The following POC1B variants were observed in gnomAD, a reference collection of about 807,000 sequenced individuals.
The protein encoded by POC1B is POC1 centriolar protein B, also known as POC1 centriolar protein homolog B.
POC1B carries 44 observed loss-of-function variants against 60.6 expected under a neutral mutation model. The observed-to-expected ratio is 0.73, with a 90% CI of 0.57 to 0.93. POC1B has a LOEUF of 0.93. POC1B is among the 40% of genes least tolerant of loss of function. The pLI, the probability that POC1B is intolerant of heterozygous loss-of-function variation, is 0.00. For missense variants in POC1B, 555 were observed against 572.3 expected (o/e 0.97, Z 0.31); for synonymous variants, 180 against 198.9 (o/e 0.90, Z 0.80).
At chr12:89,414,609 A>G in the POC1B span, among the ~76,000 whole-genome samples, 2 of 152,244 alleles carry the variant, frequency 1.3e-5, no homozygotes, top group African/African-American at 4.8e-5. Context: ...TGACTTGCTA[A>G]GGCAAAGAGT....
chr12:89,437,403 G>A (rs905658911), intron 10 of POC1B, among the ~76,000 whole-genome samples: 2 of 151,992 alleles, frequency 1.3e-5, no homozygotes, highest in South Asian at 2.1e-4. Context: ...GCAATGCTGA[G>A]GCAAACCTGA....
chr12:89,483,080 T>TC (rs1294503375), intron 4 of POC1B, among the ~76,000 whole-genome samples: 2 of 151,912 alleles, frequency 1.3e-5, no homozygotes, highest in Non-Finnish European at 2.9e-5. Flanking sequence ...CCCAGCTAAT[T>TC]TTTTTTTGTA....
intron 2 of POC1B, among the ~76,000 whole-genome samples, chr12:89,513,230 T>C (rs1870271832): frequency 7.6e-6 from 1 of 131,476 alleles, no homozygotes; most frequent in Non-Finnish European, 1.6e-5. Flanking sequence ...AAGTACCACA[T>C]AGGCTGCCAT....
At chr12:89,408,766 C>T in the POC1B span, among the ~76,000 whole-genome samples, 69 of 152,136 alleles carry the variant, frequency 4.5e-4, no homozygotes, top group Admixed American at 9.2e-4. Flanking sequence ...GGATTACAGG[C>T]GTGAGCCACC....
At chr12:89,487,356 T>C (rs1310851115) in intron 4 of POC1B, among the ~76,000 whole-genome samples, 1 of 152,128 alleles carries the variant, frequency 6.6e-6, no homozygotes, top group Non-Finnish European at 1.5e-5. Flanking sequence ...AAGTGCAGAG[T>C]TCCACCATCG....
At chr12:89,509,429 C>CT (rs1185697267) in intron 2 of POC1B, among the ~76,000 whole-genome samples, 2 of 151,412 alleles carry the variant, frequency 1.3e-5, no homozygotes, top group African/African-American at 4.9e-5. Flanking sequence ...TGAAATGGGC[C>CT]TTTTTTTTTC....
intron 3 of POC1B, among the ~76,000 whole-genome samples, chr12:89,494,812 C>T (rs12582952): frequency 0.038 from 5,803 of 152,242 alleles, 396 homozygotes; most frequent in East Asian, 0.31. Flanking sequence ...TGCCACAACC[C>T]GCACCAAGGC....
intron 4 of POC1B, among the ~76,000 whole-genome samples, chr12:89,485,737 A>G (rs41452346): frequency 0.015 from 2,242 of 152,324 alleles, 44 homozygotes; most frequent in Middle Eastern, 0.048. Context: ...GATTTGCTAG[A>G]AAAGATTCAC....
At chr12:89,476,755 T>TAGACAGACAGACAGAC (rs780678611) in intron 4 of POC1B, among the ~76,000 whole-genome samples, 35 of 68,056 alleles carry the variant, frequency 5.1e-4, no homozygotes, top group African/African-American at 1.4e-3. Flanking sequence ...GATAGATAGA[T>TAGACAGACAGACAGAC]AGATAGACAG....
chr12:89,446,067 C>G (rs1477197413), intron 10 of POC1B, among the ~76,000 whole-genome samples: 1 of 152,182 alleles, frequency 6.6e-6, no homozygotes, highest in Non-Finnish European at 1.5e-5. Flanking sequence ...CCATCTCACA[C>G]CAGTTAGAAT....
At chr12:89,474,549 A>C (rs1883033296) in intron 4 of POC1B, among the ~76,000 whole-genome samples, 1 of 152,194 alleles carries the variant, frequency 6.6e-6, no homozygotes, top group African/African-American at 2.4e-5. Context: ...AATTTTCAGC[A>C]TAACCCAGTA....
intron 9 of POC1B, among the ~76,000 whole-genome samples, chr12:89,465,270 A>G (rs1015523159): frequency 6.6e-6 from 1 of 152,212 alleles, no homozygotes; most frequent in Non-Finnish European, 1.5e-5. Context: ...GAAATGAACT[A>G]GGGCTGACAG....
chr12:89,447,987 A>AAGAG (rs373564620), intron 10 of POC1B, among the ~76,000 whole-genome samples: 2 of 149,968 alleles, frequency 1.3e-5, no homozygotes, highest in Non-Finnish European at 3.0e-5. Context: ...GAGGAACACT[A>AAGAG]AGAGAGAGAG....
intron 2 of POC1B, among the ~76,000 whole-genome samples, chr12:89,503,250 G>C (rs956924140): frequency 6.8e-6 from 1 of 147,562 alleles, no homozygotes; most frequent in Non-Finnish European, 1.5e-5. Flanking sequence ...GAGTGCCTGC[G>C]ATTGCAGGCA....
At chr12:89,473,445 C>A (rs1042523462) in intron 4 of POC1B, among the ~76,000 whole-genome samples, 1 of 151,962 alleles carries the variant, frequency 6.6e-6, no homozygotes, top group Non-Finnish European at 1.5e-5. Context: ...CTGAGGCAGG[C>A]GGATCACCTG....
chr12:89,478,292 T>C (rs1194908407), intron 4 of POC1B, among the ~76,000 whole-genome samples: 10 of 152,202 alleles, frequency 6.6e-5, no homozygotes, highest in Non-Finnish European at 1.3e-4. Flanking sequence ...CTAATTTATG[T>C]ATTTTTAGTA....
chr12:89,521,683 G>A (rs974515357), intron 2 of POC1B: 1 of 245,774 alleles, frequency 4.1e-6, no homozygotes, highest in Admixed American at 5.5e-5. Flanking sequence ...TTCCTCAGCT[G>A]AGCCATTCAT....
chr12:89,403,484 A>G, the POC1B span, among the ~76,000 whole-genome samples: 1 of 152,018 alleles, frequency 6.6e-6, no homozygotes, highest in African/African-American at 2.4e-5. Context: ...CTTAAAGCCT[A>G]CCTCTGGTTA....
chr12:89,525,139 G>A lies in POC1B; in HGVS notation c.81C>T (p.Ser27=). The change falls in exon 2 of 12, where the codon AGC becomes AGT. Residue 27 remains serine (S), a synonymous_variant. Coordinates refer to ENST00000313546, the MANE Select transcript of POC1B (RefSeq NM_172240.3). ...HKAAITSLDL[S]PNGKQLATAS... is the part of the protein sequence containing the mutation. ...ACTTACCAAGTTGCTTGCCGTTGGG[G>A]CTGAGGTCCAAGGAGGTGATCGCAG... The A allele has an allele frequency of 6.2e-7, 1 of 1,614,064 alleles. No individual in the cohort carries two copies.
Sources: allele counts gnomAD v4.1 joint callset (sites outside exome capture counted in the v4.1 genomes callset), GRCh38; gene constraint gnomAD v4.1.1; transcripts MANE v1.5; gene names NCBI Gene and HGNC (gene_info 2026-07-23, HGNC 2026-07-21).